Variants in GTF3C5 observed in about 807,000 individuals in gnomAD.
GTF3C5 encodes the protein general transcription factor IIIC subunit 5, also known as general transcription factor 3C polypeptide 5.
GTF3C5 carries 47 observed loss-of-function variants against 61.0 expected under a neutral mutation model. The ratio of observed to expected loss-of-function variants is 0.77; its 90% CI spans 0.61 to 0.98. The LOEUF (loss-of-function observed/expected upper bound fraction) is 0.98, where lower values mean the gene tolerates loss of function less well. Ranked by LOEUF, GTF3C5 falls within the 50% of genes least tolerant of loss-of-function variation. The probability of loss-of-function intolerance (pLI) is 0.00; values close to 1 mark genes in which losing one functional copy is unlikely to be tolerated. For synonymous variants in GTF3C5, 295 were observed against 275.4 expected, an observed-to-expected ratio of 1.07 and a Z score of -0.71; for missense variants, 659 against 703.3, an observed-to-expected ratio of 0.94 and a Z score of 0.71.
chr9:133,053,131 C>T (rs764026274), intron 5 of GTF3C5, among the ~76,000 whole-genome samples: 10 of 152,212 alleles, frequency 6.6e-5, no homozygotes, highest in Admixed American at 1.3e-4. Context: ...AGAGCCACTG[C>T]GGCTGGCTGG....
chr9:133,054,799 A>ACAAGCT lies in GTF3C5; in HGVS notation c.1162_1167dup (p.Leu388_Lys389dup). 2 of 1,573,044 alleles carry ACAAGCT rather than the reference A, an allele frequency of 1.3e-6. No homozygotes were observed. Among genetic ancestry groups the ACAAGCT allele is most frequent in the Non-Finnish European group, 1.7e-6 (2 of 1,159,850 alleles). ...GCTCGGAAACCAGCTTCCAGCAAGT[A>ACAAGCT]CAAGCTCAAGGTGGGCGCCCCTGGA... is the stretch of plus-strand genomic sequence containing the variant. On this transcript the variant is annotated inframe_insertion, in exon 8 of 11. Coordinates refer to ENST00000372097, the MANE Select transcript of GTF3C5 (RefSeq NM_012087.4).
chr9:133,034,402 G>A (rs1849810547), intron 1 of GTF3C5, among the ~76,000 whole-genome samples: 1 of 152,186 alleles, frequency 6.6e-6, no homozygotes, highest in East Asian at 1.9e-4. Context: ...GTAAGAACAA[G>A]TGTCGAACTG....
At chr9:133,042,377 TG>T in intron 2 of GTF3C5, 71 bp downstream of exon 2, 1 of 1,030,836 alleles carries the variant, frequency 9.7e-7, no homozygotes, top group Admixed American at 1.7e-5. Flanking sequence ...GCAGGAGCTG[TG>T]TGGGTCATCT....
Position 133,052,168 on chromosome 9 carries a change from A to G in GTF3C5, c.873+4A>G, listed in dbSNP as rs1850402665. On this transcript the variant is annotated splice_donor_region_variant and intron_variant, in intron 5 of 10. Transcript: ENST00000372097. Reference sequence around the variant, plus strand: ...TCCCTTCATAGCCTATTACATGGTAAGTGTCAGCTGCCCACCCACCTGCCT... The same window carrying G: ...TCCCTTCATAGCCTATTACATGGTAGGTGTCAGCTGCCCACCCACCTGCCT... The G allele has an allele frequency of 3.3e-6, 5 of 1,502,956 alleles. No individual in the cohort carries two copies. The highest frequency in any genetic ancestry group is 2.3e-5 in the East Asian group (1 of 42,970). 93.1% of individuals were successfully genotyped at this position (1,502,956 alleles called of 1,614,324 possible).
chr9:133,056,386 C>T (rs1323139893), intron 9 of GTF3C5, among the ~76,000 whole-genome samples: 1 of 152,194 alleles, frequency 6.6e-6, no homozygotes, highest in East Asian at 1.9e-4. Flanking sequence ...ATCCCAGGAC[C>T]CATCAGATCC....
intron 3 of GTF3C5, among the ~76,000 whole-genome samples, chr9:133,046,995 A>T (rs1850227994): frequency 6.6e-6 from 1 of 152,128 alleles, no homozygotes; most frequent in Non-Finnish European, 1.5e-5. Flanking sequence ...CATTGCAGAA[A>T]GGTGGAGAGA....
At chr9:133,044,697 G>A (rs774050580) in intron 3 of GTF3C5, among the ~76,000 whole-genome samples, 13 of 151,982 alleles carry the variant, frequency 8.6e-5, no homozygotes, top group Non-Finnish European at 1.5e-4. Flanking sequence ...CCTGCCCATC[G>A]CCCAGTGCCA....
At chr9:133,037,408 G>A (rs187974423) in intron 1 of GTF3C5, among the ~76,000 whole-genome samples, 4 of 152,224 alleles carry the variant, frequency 2.6e-5, no homozygotes, top group South Asian at 2.1e-4. Context: ...CAAGGAGCCC[G>A]TCCCTAATGA....
intron 1 of GTF3C5, among the ~76,000 whole-genome samples, chr9:133,031,446 G>A (rs1292822012): frequency 6.6e-6 from 1 of 152,084 alleles, no homozygotes; most frequent in East Asian, 1.9e-4. Context: ...CCGCCTCCAG[G>A]GTTCAAGCGA....
Position 133,042,232 on chromosome 9 carries a change from G to A in GTF3C5, c.299G>A (p.Gly100Asp). The A allele has an allele frequency of 6.2e-7, 1 of 1,613,946 alleles. No individual in the cohort carries two copies. The highest frequency in any genetic ancestry group is 8.5e-7 in the Non-Finnish European group (1 of 1,179,764). Residue 100 changes from glycine to aspartate, a missense_variant, in exon 2 of 11, where the codon GGC (glycine) becomes GAC (aspartate). Coordinates refer to ENST00000372097, the MANE Select transcript of GTF3C5 (RefSeq NM_012087.4). ...KRTRRQKGVL[G>D]TEAHSEVTFD... ...ACGAGGCGGCAGAAAGGGGTGCTGG[G>A]CACTGAGGCCCACTCCGAGGTCACA...
At chr9:133,050,286 A>G (rs1355213232) in intron 3 of GTF3C5, among the ~76,000 whole-genome samples, 1 of 152,196 alleles carries the variant, frequency 6.6e-6, no homozygotes, top group African/African-American at 2.4e-5. Context: ...TGAGCGTTAA[A>G]TAAGTGAATC....
chr9:133,055,478 A>G, intron 8 of GTF3C5: 1 of 1,214,264 alleles, frequency 8.2e-7, no homozygotes, highest in Non-Finnish European at 1.0e-6. Context: ...GTGAGGGGCG[A>G]TCATGCCACA....
rs1564197455 is a variant in GTF3C5, at chr9:133,042,291, A to AT, written c.361dup (p.Tyr121LeufsTer8). 1.2e-6 allele frequency: 2 copies of AT among 1,604,518 alleles called. No homozygotes were observed. Among genetic ancestry groups the AT allele is most frequent in the Non-Finnish European group, 1.7e-6 (2 of 1,171,182 alleles). ...GGAGATCCTTGGCATCATCTCCACCATTTACAAATTTCAGGGTAACTGAAA... is the reference window on the plus strand; with the variant it reads ...GGAGATCCTTGGCATCATCTCCACCATTTTACAAATTTCAGGGTAACTGAAA... On this transcript the variant is annotated frameshift_variant, in exon 2 of 11. Coordinates refer to ENST00000372097, the MANE Select transcript of GTF3C5 (RefSeq NM_012087.4). LOFTEE classifies it high-confidence loss of function.
chr9:133,040,970 CAT>C (rs1303144134), intron 1 of GTF3C5, among the ~76,000 whole-genome samples: 1 of 152,214 alleles, frequency 6.6e-6, no homozygotes, highest in Non-Finnish European at 1.5e-5. Flanking sequence ...GCTCTATAAT[CAT>C]AACCTAAGAA....
At chr9:133,037,484 A>T (rs1278196941) in intron 1 of GTF3C5, among the ~76,000 whole-genome samples, 21 of 152,058 alleles carry the variant, frequency 1.4e-4, no homozygotes. Flanking sequence ...CTTCCTTCTT[A>T]CTATTTCCCC....
At chr9:133,034,051 C>CA (rs1849802274) in intron 1 of GTF3C5, among the ~76,000 whole-genome samples, 1 of 152,150 alleles carries the variant, frequency 6.6e-6, no homozygotes, top group South Asian at 2.1e-4. Flanking sequence ...CGTCCTGTAA[C>CA]ATCTGCTCCT....
intron 1 of GTF3C5, among the ~76,000 whole-genome samples, chr9:133,039,681 T>G (rs938660392): frequency 1.3e-5 from 2 of 152,180 alleles, no homozygotes; most frequent in Non-Finnish European, 2.9e-5. Context: ...CTGGAATACA[T>G]GCATATGAAT....
chr9:133,054,003 C>T, intron 6 of GTF3C5, 61 bp downstream of exon 6: 2 of 1,062,212 alleles, frequency 1.9e-6, no homozygotes, highest in Non-Finnish European at 2.9e-6. Context: ...CAGTTTCTAG[C>T]ATTCTCTTTT....
At chr9:133,053,388 G>A (rs193226378) in intron 5 of GTF3C5, among the ~76,000 whole-genome samples, 3 of 152,142 alleles carry the variant, frequency 2.0e-5, no homozygotes, top group South Asian at 2.1e-4. Flanking sequence ...AGTTTGAGAC[G>A]AGCCTAGGCA....
Sources: gnomAD v4.1 joint callset for allele counts (sites outside exome capture counted in the v4.1 genomes callset) on GRCh38, gnomAD v4.1.1 for gene constraint, MANE v1.5 for transcripts, NCBI Gene and HGNC (gene_info 2026-07-23, HGNC 2026-07-21) for gene names.